Variants in CSMD1 observed in about 807,000 individuals in gnomAD.
CSMD1 encodes the protein CUB and sushi domain-containing protein 1.
In CSMD1, 213 loss-of-function variants were observed where a neutral mutation model predicts 417.5. The observed-to-expected ratio is 0.51, with a 90% confidence interval of 0.46 to 0.57. CSMD1 has a LOEUF of 0.57. Ranked by LOEUF, CSMD1 falls within the 20% of genes least tolerant of loss-of-function variation. The probability of loss-of-function intolerance (pLI) is 0.00; values close to 1 mark genes in which losing one functional copy is unlikely to be tolerated. For synonymous variants in CSMD1, 2,862 were observed against 1,736.8 expected (o/e 1.65, Z -16.11); for missense variants, 6,923 against 4,529.7 (o/e 1.53, Z -15.17).
chr8:4,866,546 A>C (rs1179217832), intron 1 of CSMD1, among the ~76,000 whole-genome samples: 1 of 151,906 alleles, frequency 6.6e-6, no homozygotes, highest in African/African-American at 2.4e-5. Flanking sequence ...CTTTTTTAAC[A>C]ACTAAATAAA....
At chr8:3,058,134 C>T (rs944723243) in intron 49 of CSMD1, among the ~76,000 whole-genome samples, 3 of 152,136 alleles carry the variant, frequency 2.0e-5, no homozygotes, top group African/African-American at 7.2e-5. Flanking sequence ...GAGTCCTATT[C>T]TCATCTGATT....
intron 2 of CSMD1, among the ~76,000 whole-genome samples, chr8:4,485,605 T>C (rs1294079611): frequency 6.6e-6 from 1 of 152,176 alleles, no homozygotes. Context: ...AGCTAGAAAA[T>C]GGATAATGCT....
At chr8:3,292,372 T>C (rs549508104) in intron 25 of CSMD1, among the ~76,000 whole-genome samples, 2 of 152,174 alleles carry the variant, frequency 1.3e-5, no homozygotes, top group African/African-American at 2.4e-5. Flanking sequence ...GTTCAATTCC[T>C]GGGTATCCTT....
intron 26 of CSMD1, among the ~76,000 whole-genome samples, chr8:3,271,262 C>A (rs536647052): frequency 6.6e-6 from 1 of 152,118 alleles, no homozygotes; most frequent in African/African-American, 2.4e-5. Flanking sequence ...ATGAACTCAT[C>A]ATTTTTTAAG....
intron 2 of CSMD1, among the ~76,000 whole-genome samples, chr8:4,525,864 G>A (rs557365243): frequency 1.3e-5 from 2 of 152,254 alleles, no homozygotes; most frequent in African/African-American, 2.4e-5. Flanking sequence ...GTTCCATCGT[G>A]ATTCTTCCAG....
intron 2 of CSMD1, among the ~76,000 whole-genome samples, chr8:4,541,641 A>G (rs1207403814): frequency 6.6e-6 from 1 of 152,098 alleles, no homozygotes; most frequent in African/African-American, 2.4e-5. Context: ...CCAACTACTC[A>G]GGAGGCTGAC....
intron 8 of CSMD1, among the ~76,000 whole-genome samples, chr8:3,599,067 C>A (rs1462926909): frequency 1.3e-5 from 2 of 151,228 alleles, no homozygotes; most frequent in African/African-American, 4.9e-5. Flanking sequence ...GGTGTCAGAG[C>A]AAGACTCCGT....
At chr8:4,390,834 C>A (rs955353114) in intron 3 of CSMD1, among the ~76,000 whole-genome samples, 1 of 152,096 alleles carries the variant, frequency 6.6e-6, no homozygotes, top group Admixed American at 6.5e-5. Flanking sequence ...AGCCACCATG[C>A]CCGGCCAAAA....
intron 5 of CSMD1, among the ~76,000 whole-genome samples, chr8:3,964,510 T>C (rs761036568): frequency 5.9e-5 from 9 of 152,184 alleles, no homozygotes; most frequent in Non-Finnish European, 8.8e-5. Flanking sequence ...CCTGCCATAC[T>C]CCAAGCTCTC....
At chr8:4,413,810 A>G (rs1266920671) in intron 3 of CSMD1, among the ~76,000 whole-genome samples, 1 of 152,162 alleles carries the variant, frequency 6.6e-6, no homozygotes, top group Admixed American at 6.5e-5. Flanking sequence ...GCCTAGAGAT[A>G]ACTAAGGTGA....
At chr8:3,582,736 A>G (rs920253183) in intron 9 of CSMD1, among the ~76,000 whole-genome samples, 21 of 152,234 alleles carry the variant, frequency 1.4e-4, no homozygotes, top group African/African-American at 5.1e-4. Context: ...TCATATTTGT[A>G]TTAACTATAT....
intron 1 of CSMD1, among the ~76,000 whole-genome samples, chr8:4,686,340 A>C (rs995575460): frequency 2.6e-5 from 4 of 152,136 alleles, no homozygotes; most frequent in African/African-American, 4.8e-5. Flanking sequence ...TGGATTCAGG[A>C]CACCCTAACC....
intron 5 of CSMD1, among the ~76,000 whole-genome samples, chr8:3,864,511 A>C (rs1804948562): frequency 6.6e-6 from 1 of 152,342 alleles, no homozygotes; most frequent in African/African-American, 2.4e-5. Flanking sequence ...GTACATGTGC[A>C]CAACGTGCAG....
chr8:4,032,808 C>T (rs1053968553), intron 3 of CSMD1, among the ~76,000 whole-genome samples: 14 of 152,056 alleles, frequency 9.2e-5, no homozygotes, highest in Middle Eastern at 3.2e-3. Context: ...ATTCAAAGGC[C>T]GTCAACCATC....
intron 6 of CSMD1, among the ~76,000 whole-genome samples, chr8:3,714,690 C>T (rs912884637): frequency 2.6e-5 from 4 of 151,568 alleles, no homozygotes; most frequent in African/African-American, 7.3e-5. Context: ...TGAGCCGAAA[C>T]GGTGCCACTG....
chr8:3,527,743 A>G (rs1170111756), intron 10 of CSMD1, among the ~76,000 whole-genome samples: 1 of 152,216 alleles, frequency 6.6e-6, no homozygotes, highest in Non-Finnish European at 1.5e-5. Flanking sequence ...AAACGAAGAC[A>G]GGACTTCTCT....
rs181424970 is a variant in CSMD1 at position 4,602,292 on chromosome 8, C to T, written c.302+35050G>A. On this transcript the variant is annotated intron_variant, in intron 2 of 69. Transcript: ENST00000635120. Reference sequence around the variant, plus strand: ...ACTAAAAAAGAGGAAGAAAGGGGCCCTGCACAAATAAGGCACTTCAGAGGT... The same window carrying T: ...ACTAAAAAAGAGGAAGAAAGGGGCCTTGCACAAATAAGGCACTTCAGAGGT... 3.8e-3 allele frequency among the ~76,000 whole-genome samples: 571 copies of T among 152,180 alleles called. 4 individuals are homozygous for T. Among genetic ancestry groups the T allele is most frequent in the African/African-American group, 0.013 (540 of 41,514 alleles).
At chr8:3,281,442 T>G (rs1038023072) in intron 26 of CSMD1, among the ~76,000 whole-genome samples, 4 of 151,996 alleles carry the variant, frequency 2.6e-5, no homozygotes, top group Admixed American at 2.0e-4. Flanking sequence ...AGACTCCATC[T>G]CAAGGAAAAA....
At chr8:3,934,211 C>A (rs947340442) in intron 5 of CSMD1, among the ~76,000 whole-genome samples, 1 of 152,188 alleles carries the variant, frequency 6.6e-6, no homozygotes, top group Admixed American at 6.5e-5. Flanking sequence ...TCATTACACT[C>A]CTACCTAATC....
Sources: allele counts gnomAD v4.1 joint callset (sites outside exome capture counted in the v4.1 genomes callset), GRCh38; gene constraint gnomAD v4.1.1; transcripts MANE v1.5; gene names NCBI Gene and HGNC (gene_info 2026-07-23, HGNC 2026-07-21).